Variants in HMOX2 observed in about 807,000 individuals in gnomAD.
HMOX2 encodes the protein heme oxygenase (decycling) 2.
A neutral mutation model predicts 33.7 loss-of-function variants in HMOX2; 30 were observed. That is an observed-to-expected ratio of 0.89 (90% CI 0.67 to 1.21). HMOX2 has a LOEUF of 1.21. HMOX2 is among the 50% of genes most tolerant of loss of function. The pLI is 0.00. For missense variants in HMOX2, 403 were observed against 399.1 expected, an observed-to-expected ratio of 1.01 and a Z score of -0.08; for synonymous variants, 155 against 155.0, an observed-to-expected ratio of 1.00 and a Z score of 0.00.
rs968022811 is a variant in HMOX2 at position 4,490,511 on chromosome 16, C to T, written c.-42+14024C>T. ...AATTTCTCCCAGTTATATGTTCCAT[C>T]CCACAAAGAAGTAATAAACACATTT... On this transcript the variant is annotated intron_variant, in intron 1 of 5. Coordinates refer to ENST00000570646, the MANE Select transcript of HMOX2 (RefSeq NM_002134.4). Among the ~76,000 whole-genome samples the T allele has an allele frequency of 3.3e-5, 5 of 152,308 alleles. No individual in the cohort carries two copies. In the East Asian group the frequency reaches 9.6e-4, roughly 29 times the overall value.
chr16:4,485,870 C>T (rs750249413), intron 1 of HMOX2, among the ~76,000 whole-genome samples: 4 of 152,028 alleles, frequency 2.6e-5, no homozygotes, highest in African/African-American at 2.4e-5. Flanking sequence ...GATTAAGGCA[C>T]CTGCCACCAC....
At chr16:4,487,932 CAA>C (rs1209933378) in intron 1 of HMOX2, among the ~76,000 whole-genome samples, 1 of 117,146 alleles carries the variant, frequency 8.5e-6, no homozygotes, top group African/African-American at 3.3e-5. Context: ...GCCTTGGCAA[CAA>C]GAGCGAAACT....
chr16:4,478,540 C>T (rs143952101), intron 1 of HMOX2, among the ~76,000 whole-genome samples: 3 of 151,784 alleles, frequency 2.0e-5, no homozygotes, highest in Non-Finnish European at 4.4e-5. Context: ...CACCTGAGGT[C>T]GGGAGATAGA....
At chr16:4,477,526 G>A (rs1333048942) in intron 1 of HMOX2, among the ~76,000 whole-genome samples, 1 of 140,258 alleles carries the variant, frequency 7.1e-6, no homozygotes, top group African/African-American at 2.6e-5. Flanking sequence ...AAAAAAAATC[G>A]CTTCTGATGA....
intron 2 of HMOX2, among the ~76,000 whole-genome samples, chr16:4,506,065 T>C (rs1376269904): frequency 6.6e-6 from 1 of 152,168 alleles, no homozygotes; most frequent in Non-Finnish European, 1.5e-5. Flanking sequence ...AGCCCTGTCA[T>C]TGGCCAAGTT....
intron 1 of HMOX2, among the ~76,000 whole-genome samples, chr16:4,484,043 C>T (rs947263355): frequency 4.8e-5 from 7 of 145,932 alleles, no homozygotes; most frequent in African/African-American, 1.5e-4. Flanking sequence ...GGTGCGATCT[C>T]GGCTCACTGC....
intron 1 of HMOX2, among the ~76,000 whole-genome samples, chr16:4,498,017 G>C (rs1323482410): frequency 6.7e-6 from 1 of 149,988 alleles, no homozygotes; most frequent in African/African-American, 2.4e-5. Context: ...TCTGACTCAA[G>C]TGCTTTGTGT....
chr16:4,490,763 A>C (rs769641660), intron 1 of HMOX2, among the ~76,000 whole-genome samples: 8 of 152,196 alleles, frequency 5.3e-5, no homozygotes, highest in Non-Finnish European at 1.2e-4. Context: ...GATAAAGGTG[A>C]CTAACAATCT....
intron 2 of HMOX2, 93 bp from the exon 3 acceptor site, chr16:4,506,802 C>T: frequency 2.3e-6 from 2 of 888,554 alleles, no homozygotes; most frequent in Non-Finnish European, 3.8e-6. Context: ...CAGGTGGTCA[C>T]CTTGGGGTGT....
At chr16:4,487,666 G>C (rs992278417) in intron 1 of HMOX2, among the ~76,000 whole-genome samples, 1 of 152,102 alleles carries the variant, frequency 6.6e-6, no homozygotes, top group Non-Finnish European at 1.5e-5. Context: ...TGGGCGTGGT[G>C]GCTGGCGCCT....
chr16:4,484,676 G>T (rs977678551), intron 1 of HMOX2, among the ~76,000 whole-genome samples: 52 of 151,346 alleles, frequency 3.4e-4, no homozygotes, highest in African/African-American at 1.2e-3. Context: ...GGCCAGGCTG[G>T]TCTCGAACTC....
At chr16:4,498,061 CTTTTTTTTTTTT>C (rs35332500) in intron 1 of HMOX2, among the ~76,000 whole-genome samples, 6 of 104,402 alleles carry the variant, frequency 5.7e-5, no homozygotes, top group East Asian at 2.7e-4. Context: ...GATTCATTGT[CTTTTTTTTTTTT>C]TTTTTTTTTT....
rs1227151563 is a variant in HMOX2, at chr16:4,489,259, C to T, written c.-42+12772C>T. 3.3e-5 allele frequency among the ~76,000 whole-genome samples: 5 copies of T among 152,084 alleles called. No homozygotes were observed. The East Asian group carries it at 9.6e-4, about 29-fold the overall frequency. Reference sequence around the variant, plus strand: ...AGCACAAAGCATCAAATGCTTATTCCCCCCACAAGGCCATTCTTATCTTTC... The same window carrying T: ...AGCACAAAGCATCAAATGCTTATTCTCCCCACAAGGCCATTCTTATCTTTC... On this transcript the variant is annotated intron_variant, in intron 1 of 5. Coordinates refer to ENST00000570646, the MANE Select transcript of HMOX2 (RefSeq NM_002134.4).
At position 4,509,650 on chromosome 16, in the gene HMOX2, G is replaced by C. The variant is rs958108986; in HGVS notation, c.845G>C (p.Cys282Ser). The change falls in exon 6 of 6, where the codon TGT becomes TCT. Residue 282 changes from cysteine (C) to serine (S), a missense_variant. Physicochemically the swap from Cys to Ser is moderately radical, Grantham distance 112. Coordinates refer to ENST00000570646, the MANE Select transcript of HMOX2 (RefSeq NM_002134.4). ...ACAGGTGCCCTGGAGGGCAGCAGCT[G>C]TCCCTTCCGAACAGCTATGGCTGTG... ...QDKGALEGSSCPFRTAMAVLR... is the reference protein window; with the variant it reads ...QDKGALEGSSSPFRTAMAVLR... 5.6e-6 allele frequency: 9 copies of C among 1,613,786 alleles called. No homozygotes were observed. The highest frequency in any genetic ancestry group is 7.6e-6 in the Non-Finnish European group (9 of 1,179,810).
rs1466633011 is a variant in HMOX2, at chr16:4,507,818, C to T, written c.310C>T (p.His104Tyr). The T allele has an allele frequency of 1.2e-6, 2 of 1,614,220 alleles. No homozygotes were observed. Among genetic ancestry groups the T allele is most frequent in the Non-Finnish European group, 1.7e-6 (2 of 1,180,038 alleles). Reference protein sequence around the residue: ...FAPLYFPMELHRKEALTKDME... With the variant: ...FAPLYFPMELYRKEALTKDME... ...CCCTTTGTACTTCCCCATGGAGCTG[C>T]ACCGGAAGGAGGCGCTGACCAAGGA... Residue 104 changes from histidine to tyrosine, a missense_variant, in exon 4 of 6, where the codon CAC becomes TAC. Transcript: ENST00000570646.
At chr16:4,494,556 A>G (rs1386479392) in intron 1 of HMOX2, among the ~76,000 whole-genome samples, 2 of 152,102 alleles carry the variant, frequency 1.3e-5, no homozygotes, top group Admixed American at 6.6e-5. Context: ...GTTACTAACC[A>G]TGAAGTTGAT....
chr16:4,503,523 G>T (rs555264796), intron 1 of HMOX2, among the ~76,000 whole-genome samples: 11 of 152,322 alleles, frequency 7.2e-5, no homozygotes, highest in Admixed American at 5.2e-4. Flanking sequence ...ACATCCCGAT[G>T]TTTATTTTCT....
At chr16:4,488,146 A>T (rs990404801) in intron 1 of HMOX2, among the ~76,000 whole-genome samples, 1 of 149,454 alleles carries the variant, frequency 6.7e-6, no homozygotes, top group Non-Finnish European at 1.5e-5. Context: ...AAAAAAAAAA[A>T]ACAGGCTTGA....
intron 1 of HMOX2, among the ~76,000 whole-genome samples, chr16:4,489,214 A>G (rs925689822): frequency 1.3e-5 from 2 of 152,228 alleles, no homozygotes; most frequent in Non-Finnish European, 2.9e-5. Context: ...CCCTTCACAC[A>G]TGAAACAGTG....
Sources: gnomAD v4.1 joint callset for allele counts (sites outside exome capture counted in the v4.1 genomes callset) on GRCh38, gnomAD v4.1.1 for gene constraint, MANE v1.5 for transcripts, NCBI Gene and HGNC (gene_info 2026-07-23, HGNC 2026-07-21) for gene names.